Variants in SLC14A1 observed in about 807,000 individuals in gnomAD.
SLC14A1 encodes the protein urea transporter 1.
A neutral mutation model predicts 39.6 loss-of-function variants in SLC14A1; 36 were observed. The ratio of observed to expected loss-of-function variants is 0.91; its 90% CI spans 0.70 to 1.20. The LOEUF (loss-of-function observed/expected upper bound fraction) is 1.20, where lower values mean the gene tolerates loss of function less well. SLC14A1 is among the 50% of genes most tolerant of loss of function. SLC14A1 has a pLI of 0.00. For missense variants in SLC14A1, 469 were observed against 478.7 expected, an observed-to-expected ratio of 0.98 and a Z score of 0.19; for synonymous variants, 164 against 173.6, an observed-to-expected ratio of 0.94 and a Z score of 0.43.
Position 45,737,636 on chromosome 18 carries a change from A to G in SLC14A1, c.663+988A>G, listed in dbSNP as rs1296516851. 16 of 152,224 alleles carry G rather than the reference A, an allele frequency of 1.1e-4. No individual in the cohort carries two copies. The East Asian group carries it at 3.1e-3, about 29-fold the overall frequency. The allele number at this position is 152,224 out of a possible 1,614,324, so 9.4% of individuals were successfully genotyped here. On this transcript the variant is annotated intron_variant, in intron 6 of 9. Transcript: ENST00000321925. ...AGGAAAAAATCAAAGATTCATTAGA[A>G]CTACCCATGAAAAATAACAGTATAA...
chr18:45,750,752 G>C lies in SLC14A1; in HGVS notation c.*801G>C, dbSNP rs2047681308. 2 of 985,074 alleles carry C rather than the reference G, an allele frequency of 2.0e-6. No homozygotes were observed. The highest frequency in any genetic ancestry group is 1.7e-5 in the African/African-American group (1 of 57,334). The allele number at this position is 985,074 out of a possible 1,614,324, so 61.0% of individuals were successfully genotyped here. On this transcript the variant is annotated 3_prime_UTR_variant, in exon 10 of 10. Coordinates refer to ENST00000321925, the MANE Select transcript of SLC14A1 (RefSeq NM_015865.7). ...GCTTAACCTGTTCTTACATATTAAAGAAAAGTTACTTACTGTATTTATGAA... is the reference window on the plus strand; with the variant it reads ...GCTTAACCTGTTCTTACATATTAAACAAAAGTTACTTACTGTATTTATGAA...
At chr18:45,742,442 C>T (rs1350608273) in intron 8 of SLC14A1, among the ~76,000 whole-genome samples, 2 of 144,956 alleles carry the variant, frequency 1.4e-5, no homozygotes, top group Admixed American at 7.2e-5. Flanking sequence ...TCACTGCAAC[C>T]TCCGACTCCC....
chr18:45,727,922 T>C (rs2046919910), intron 2 of SLC14A1, among the ~76,000 whole-genome samples: 1 of 152,172 alleles, frequency 6.6e-6, no homozygotes, highest in African/African-American at 2.4e-5. Flanking sequence ...GCCTGACTTC[T>C]GGAGCAAGGA....
In SLC14A1 at chr18:45,742,548, C is replaced by T. The variant is rs1299411212; in HGVS notation, c.946+2886C>T. 4.6e-5 allele frequency among the ~76,000 whole-genome samples: 7 copies of T among 151,454 alleles called. 1 individual carries two copies. In the East Asian group the frequency reaches 1.2e-3, roughly 25 times the overall value. ...CTAATTTTTGTATTTTTAGTAGAGA[C>T]GGGGTTTCACCATGTTGGCCAGGAT... On this transcript the variant is annotated intron_variant, in intron 8 of 9. Transcript: ENST00000321925.
rs76152662 is a variant in SLC14A1 at position 45,732,552 on chromosome 18, G to A, written c.341+1348G>A. Reference sequence around the variant, plus strand: ...TTAATGTTCATCTGGATTAATGTACGTGACATCATCTTGCCTGTTGCAATG... The same window carrying A: ...TTAATGTTCATCTGGATTAATGTACATGACATCATCTTGCCTGTTGCAATG... On this transcript the variant is annotated intron_variant, in intron 4 of 9. Coordinates refer to ENST00000321925, the MANE Select transcript of SLC14A1 (RefSeq NM_015865.7). 1.5e-3 allele frequency among the ~76,000 whole-genome samples: 226 copies of A among 152,312 alleles called. 1 individual carries two copies. Among genetic ancestry groups the A allele is most frequent in the Non-Finnish European group, 2.3e-3 (156 of 68,026 alleles).
At chr18:45,740,227 G>C (rs1269603783) in intron 8 of SLC14A1, among the ~76,000 whole-genome samples, 3 of 152,182 alleles carry the variant, frequency 2.0e-5, no homozygotes, top group African/African-American at 7.2e-5. Flanking sequence ...AAACTAAACG[G>C]GAATAACTCC....
At chr18:45,727,692 C>T (rs2046913561) in intron 2 of SLC14A1, among the ~76,000 whole-genome samples, 1 of 152,200 alleles carries the variant, frequency 6.6e-6, no homozygotes, top group Non-Finnish European at 1.5e-5. Context: ...GTGCCTTTTA[C>T]TTATTGTCCC....
intron 5 of SLC14A1, 32 bp from the exon 6 acceptor site, chr18:45,736,424 A>G (rs1434093193): frequency 2.5e-6 from 4 of 1,610,028 alleles, no homozygotes; most frequent in Non-Finnish European, 3.4e-6. Flanking sequence ...GCTTTGTCAC[A>G]TGCACATTCT....
At chr18:45,726,480 T>TG (rs2046867031) in intron 2 of SLC14A1, among the ~76,000 whole-genome samples, 1 of 152,200 alleles carries the variant, frequency 6.6e-6, no homozygotes. Flanking sequence ...TGTTTATTAT[T>TG]AACAAAGTGA....
rs775213794 is a variant in SLC14A1 at position 45,749,967 on chromosome 18, G to A, written c.*16G>A. On this transcript the variant is annotated 3_prime_UTR_variant, in exon 10 of 10. Coordinates refer to ENST00000321925, the MANE Select transcript of SLC14A1 (RefSeq NM_015865.7). ...CCCTTTGTGAGAACAAGCCCCATTT[G>A]CAGCCATGGTCACGAGTCATTTCTG... 6 of 1,614,052 alleles carry A rather than the reference G, an allele frequency of 3.7e-6. No individual in the cohort carries two copies. The highest frequency in any genetic ancestry group is 5.1e-6 in the Non-Finnish European group (6 of 1,180,042).
Position 45,739,157 on chromosome 18 carries a change from T to C in SLC14A1, c.664-6T>C. On this transcript the variant is annotated splice_region_variant and splice_polypyrimidine_tract_variant and intron_variant, in intron 6 of 9. Transcript: ENST00000321925. The stretch of plus-strand genomic sequence containing the variant: ...TAGCCTCATTTTTCTTAAATTTCTT[T>C]TGCAGTTGTTGAAATCTATACCAGT... 3 of 1,614,200 alleles carry C rather than the reference T, an allele frequency of 1.9e-6. No individual in the cohort carries two copies. The highest frequency in any genetic ancestry group is 2.2e-5 in the East Asian group (1 of 44,886).
intron 1 of SLC14A1, among the ~76,000 whole-genome samples, chr18:45,724,676 CA>C (rs2144721026): frequency 6.6e-6 from 1 of 152,192 alleles, no homozygotes; most frequent in South Asian, 2.1e-4. Flanking sequence ...CTACAAGACT[CA>C]AAAGAAAAAA....
At chr18:45,748,530 C>A (rs2047618009) in intron 9 of SLC14A1, 105 bp downstream of exon 9, 2 of 1,146,578 alleles carry the variant, frequency 1.7e-6, no homozygotes, top group East Asian at 4.7e-5. Flanking sequence ...TGGCAGGATC[C>A]ATGACCATGA....
intron 4 of SLC14A1, chr18:45,734,062 T>G (rs766701606): frequency 1.8e-6 from 1 of 564,880 alleles, no homozygotes; most frequent in Non-Finnish European, 3.1e-6. Flanking sequence ...GGACCACTGA[T>G]CTAAATGCAC....
At chr18:45,739,840 C>T (rs1192100408) in intron 8 of SLC14A1, 178 bp downstream of exon 8, 2 of 686,318 alleles carry the variant, frequency 2.9e-6, no homozygotes, top group East Asian at 2.7e-5. Flanking sequence ...ATTAAAATCA[C>T]CTCTGCCTAC....
chr18:45,749,754 G>A (rs1032119), intron 9 of SLC14A1, 24 bp from the exon 10 acceptor site: 172,253 of 1,613,310 alleles, frequency 0.11, 16,220 homozygotes, highest in East Asian at 0.43. Flanking sequence ...TGAAAGGAGC[G>A]TGTGGCTTTC....
At chr18:45,735,273 G>A (rs980499358) in intron 5 of SLC14A1, among the ~76,000 whole-genome samples, 4 of 152,194 alleles carry the variant, frequency 2.6e-5, no homozygotes, top group Admixed American at 1.3e-4. Flanking sequence ...TGCAGGGTTT[G>A]TTACACCACA....
chr18:45,749,943 C>T lies in SLC14A1; in HGVS notation c.1162C>T (p.Pro388Ser). 6.2e-7 allele frequency: 1 copy of T among 1,614,188 alleles called. No individual in the cohort carries two copies. Among genetic ancestry groups the T allele is most frequent in the Non-Finnish European group, 8.5e-7 (1 of 1,180,034 alleles). ...LQAKKRMVES[P>S]L ...AGCCAAGAAAAGAATGGTGGAAAGC[C>T]CTTTGTGAGAACAAGCCCCATTTGC... The change falls in exon 10 of 10, where the codon CCT becomes TCT. Residue 388 changes from proline to serine, a missense_variant. Coordinates refer to ENST00000321925, the MANE Select transcript of SLC14A1 (RefSeq NM_015865.7).
In SLC14A1 at chr18:45,727,190, T is replaced by C. The variant is rs535833772; in HGVS notation, c.-22+2177T>C. 10 of 1,464,792 alleles carry C rather than the reference T, an allele frequency of 6.8e-6. No individual in the cohort carries two copies. The South Asian group carries it at 1.2e-4, about 18-fold the overall frequency. The allele number at this position is 1,464,792 out of a possible 1,614,324, so 90.7% of individuals were successfully genotyped here. ...GCTCCAGCCCCCCTCAGCTTGCCTT[T>C]TGCGTGGTCATTAGAGCTAGGGCAC... On this transcript the variant is annotated intron_variant, in intron 2 of 9. Transcript: ENST00000321925.
Sources: gnomAD v4.1 joint callset for allele counts (sites outside exome capture counted in the v4.1 genomes callset) on GRCh38, gnomAD v4.1.1 for gene constraint, MANE v1.5 for transcripts, NCBI Gene and HGNC (gene_info 2026-07-23, HGNC 2026-07-21) for gene names.